Variants in DGCR2 observed in about 807,000 individuals in gnomAD.
DGCR2 encodes the protein DiGeorge syndrome critical region gene 2.
DGCR2 carries 24 observed loss-of-function variants against 51.6 expected under a neutral mutation model. The ratio of observed to expected loss-of-function variants is 0.47; its 90% CI spans 0.34 to 0.65. DGCR2 has a LOEUF of 0.65. DGCR2 is among the 30% of genes least tolerant of loss of function. DGCR2 has a pLI of 0.01. For synonymous variants in DGCR2, 340 were observed against 315.4 expected (o/e 1.08, Z -0.82); for missense variants, 765 against 772.1 (o/e 0.99, Z 0.11).
At chr22:19,100,748 A>AC (rs1165773823) in intron 1 of DGCR2, among the ~76,000 whole-genome samples, 4 of 151,990 alleles carry the variant, frequency 2.6e-5, no homozygotes, top group African/African-American at 7.3e-5. Context: ...ATTATTGAAG[A>AC]CCCCAAAGAG....
At chr22:19,076,381 T>G (rs941212150) in intron 2 of DGCR2, among the ~76,000 whole-genome samples, 1 of 147,572 alleles carries the variant, frequency 6.8e-6, no homozygotes, top group African/African-American at 2.7e-5. Flanking sequence ...GCCAGGCTGC[T>G]CTAGAACTCC....
chr22:19,072,801 G>A (rs532599994), intron 2 of DGCR2, among the ~76,000 whole-genome samples: 82 of 152,280 alleles, frequency 5.4e-4, no homozygotes, highest in African/African-American at 1.9e-3. Context: ...TTGAACCCGG[G>A]AGGCAGAGGT....
At chr22:19,051,700 TG>T (rs1472979672) in intron 6 of DGCR2, among the ~76,000 whole-genome samples, 1 of 152,216 alleles carries the variant, frequency 6.6e-6, no homozygotes, top group Non-Finnish European at 1.5e-5. Flanking sequence ...CGTTTGAGCC[TG>T]GGTGACAGAG....
intron 1 of DGCR2, among the ~76,000 whole-genome samples, chr22:19,115,877 C>G (rs1447436953): frequency 1.3e-5 from 2 of 152,204 alleles, no homozygotes; most frequent in Non-Finnish European, 2.9e-5. Context: ...ACCAATAAGC[C>G]CTGTGCACAA....
At chr22:19,070,818 C>A (rs1029889526) in intron 2 of DGCR2, among the ~76,000 whole-genome samples, 1 of 152,234 alleles carries the variant, frequency 6.6e-6, no homozygotes, top group African/African-American at 2.4e-5. Context: ...CACGTTTATT[C>A]AATGCCCATT....
intron 6 of DGCR2, among the ~76,000 whole-genome samples, chr22:19,054,191 A>G (rs1000564038): frequency 2.6e-5 from 4 of 152,076 alleles, no homozygotes; most frequent in African/African-American, 9.7e-5. Context: ...GTGTGGGTAC[A>G]TAAGAAAGTG....
At chr22:19,117,173 C>T (rs750447267) in intron 1 of DGCR2, among the ~76,000 whole-genome samples, 2 of 152,214 alleles carry the variant, frequency 1.3e-5, no homozygotes, top group Non-Finnish European at 2.9e-5. Context: ...AACAAATCAC[C>T]GGCCACCGCT....
chr22:19,068,729 G>A (rs2082779656), intron 2 of DGCR2, among the ~76,000 whole-genome samples: 1 of 152,242 alleles, frequency 6.6e-6, no homozygotes, highest in East Asian at 1.9e-4. Context: ...GGTCCCCCAT[G>A]GCTGTGAAGG....
intron 2 of DGCR2, among the ~76,000 whole-genome samples, chr22:19,087,949 T>G (rs1052032142): frequency 1.2e-4 from 18 of 152,154 alleles, no homozygotes; most frequent in Admixed American, 1.2e-3. Context: ...CCTCCCAAAG[T>G]GTTGGGTTAC....
intron 1 of DGCR2, among the ~76,000 whole-genome samples, chr22:19,103,452 C>G (rs975735649): frequency 1.0e-5 from 1 of 95,966 alleles, no homozygotes; most frequent in East Asian, 3.2e-4. Context: ...TTTTTTTGAG[C>G]CGGAGTCTCG....
intron 2 of DGCR2, among the ~76,000 whole-genome samples, chr22:19,080,115 C>T (rs1323539451): frequency 6.6e-6 from 1 of 152,234 alleles, no homozygotes; most frequent in Non-Finnish European, 1.5e-5. Flanking sequence ...TCTGGGAAAA[C>T]ACCTGGCTGC....
At position 19,063,230 on chromosome 22, in the gene DGCR2, C is replaced by T; in HGVS notation, c.597G>A (p.Leu199=). ...QYVITGRNRS[L]EGRWEVAFKG... ...TGAATGCCACCTCCCAGCGACCTTC[C>T]AAGGAGCGGTTCCGGCCAGTGATAA... The change falls in exon 5 of 10, where the codon TTG becomes TTA. Residue 199 remains leucine (L), a synonymous_variant. Transcript: ENST00000263196. The T allele has an allele frequency of 6.2e-7, 1 of 1,614,210 alleles. No individual in the cohort carries two copies. Among genetic ancestry groups the T allele is most frequent in the South Asian group, 1.1e-5 (1 of 91,080 alleles).
chr22:19,112,857 T>TA lies in DGCR2; in HGVS notation c.79+9270dup, dbSNP rs942468147. Among the ~76,000 whole-genome samples the TA allele has an allele frequency of 2.2e-4, 31 of 143,674 alleles. 3 individuals are homozygous for TA. The highest frequency in any genetic ancestry group is 4.2e-4 in the Non-Finnish European group (27 of 64,686). The allele number at this position is 143,674 out of a possible 152,430, so 94.3% of individuals were successfully genotyped here. A position where few individuals can be genotyped will look rare whatever the true frequency, so the allele number is the denominator to read the frequency against. On this transcript the variant is annotated intron_variant, in intron 1 of 9. Transcript: ENST00000263196. The stretch of plus-strand genomic sequence containing the variant: ...CCATCAATCTGAAAACACAAAGAGC[T>TA]AAAAAAAATTAAATTAAATTAAATT...
At position 19,122,179 on chromosome 22, in the gene DGCR2, A is replaced by C; in HGVS notation, c.28T>G (p.Phe10Val). 1.3e-6 allele frequency: 2 copies of C among 1,511,536 alleles called. No individual in the cohort carries two copies. The highest frequency in any genetic ancestry group is 1.8e-6 in the Non-Finnish European group (2 of 1,129,502). The allele number at this position is 1,511,536 out of a possible 1,614,324, so 93.6% of individuals were successfully genotyped here. A position where few individuals can be genotyped will look rare whatever the true frequency, so the allele number is the denominator to read the frequency against. Residue 10 changes from phenylalanine (F) to valine (V), a missense_variant, in exon 1 of 10, where the codon TTC becomes GTC. This residue lies in a region of DGCR2 where 370 missense variants were observed against 325.5 expected (regional missense o/e 1.14). Transcript: ENST00000263196. ...AGCACGAGCAGGAAGAGCAGCAGGA[A>C]GGCGCCGCTGTCTGCCTTGGGCACC... MVPKADSGA[F>V]LLLFLLVLTV...
intron 4 of DGCR2, among the ~76,000 whole-genome samples, chr22:19,063,625 TTTTTAA>T (rs1167631314): frequency 6.6e-6 from 1 of 151,900 alleles, no homozygotes; most frequent in Non-Finnish European, 1.5e-5. Context: ...CTGGGATTGT[TTTTTAA>T]TAGCTATACT....
chr22:19,080,609 C>T (rs1443181732), intron 2 of DGCR2, among the ~76,000 whole-genome samples: 1 of 152,072 alleles, frequency 6.6e-6, no homozygotes, highest in East Asian at 1.9e-4. Context: ...AGGCTGGGGG[C>T]AGGATTGCTA....
rs549005175 is a variant in DGCR2 at position 19,040,446 on chromosome 22, AGATGG to A, written c.1396+607_1396+611del. On this transcript the variant is annotated intron_variant, in intron 9 of 9. Coordinates refer to ENST00000263196, the MANE Select transcript of DGCR2 (RefSeq NM_005137.3). ...GTGTTAGGGGGCCTAATGCACAGGGAGATGGGATGGGACACCTGCACTGCTCAACA... is the reference window on the plus strand; with the variant it reads ...GTGTTAGGGGGCCTAATGCACAGGGAGATGGGACACCTGCACTGCTCAACA... Among the ~76,000 whole-genome samples, 6 of 152,288 alleles carry A rather than the reference AGATGG, an allele frequency of 3.9e-5. No individual in the cohort carries two copies. In the South Asian group the frequency reaches 1.0e-3, roughly 26 times the overall value.
At chr22:19,094,963 G>C (rs751100813) in intron 1 of DGCR2, among the ~76,000 whole-genome samples, 1 of 152,212 alleles carries the variant, frequency 6.6e-6, no homozygotes, top group Non-Finnish European at 1.5e-5. Context: ...AAAGGGATGG[G>C]GGTGGGAGGG....
chr22:19,122,285 G>A lies in DGCR2; in HGVS notation c.-79C>T, dbSNP rs1286418421. 14 of 1,246,196 alleles carry A rather than the reference G, an allele frequency of 1.1e-5. No homozygotes were observed. The highest frequency in any genetic ancestry group is 1.5e-5 in the Non-Finnish European group (14 of 925,662). The allele number at this position is 1,246,196 out of a possible 1,614,324, so 77.2% of individuals were successfully genotyped here. On this transcript the variant is annotated 5_prime_UTR_variant, in exon 1 of 10. Coordinates refer to ENST00000263196, the MANE Select transcript of DGCR2 (RefSeq NM_005137.3). ...TGAGGGTCAGGGGACCGTGCCAAGC[G>A]GAGGGTCAGGCGGAGCTGAACCTGG...
Sources: allele counts gnomAD v4.1 joint callset (sites outside exome capture counted in the v4.1 genomes callset), GRCh38; gene constraint gnomAD v4.1.1; regional missense constraint gnomAD v4.1.1; transcripts MANE v1.5; gene names NCBI Gene and HGNC (gene_info 2026-07-23, HGNC 2026-07-21).